Variants in KIF16B observed in about 807,000 individuals in gnomAD.
KIF16B encodes the protein kinesin family member 16B.
A neutral mutation model predicts 156.3 loss-of-function variants in KIF16B; 98 were observed. The observed-to-expected ratio is 0.63, with a 90% CI of 0.53 to 0.74. The LOEUF (loss-of-function observed/expected upper bound fraction) is 0.74. KIF16B is among the 30% of genes least tolerant of loss of function. KIF16B has a pLI of 0.00. For synonymous variants in KIF16B, 564 were observed against 583.7 expected (o/e 0.97, Z 0.49); for missense variants, 1,421 against 1,606.5 (o/e 0.88, Z 1.97).
At chr20:16,289,058 T>A (rs1568817882) in intron 25 of KIF16B, among the ~76,000 whole-genome samples, 2 of 152,094 alleles carry the variant, frequency 1.3e-5, no homozygotes, top group Non-Finnish European at 2.9e-5. Context: ...CTACCAAACA[T>A]CATGGCTTAG....
At chr20:16,559,773 C>T (rs1346497453) in intron 1 of KIF16B, among the ~76,000 whole-genome samples, 2 of 96,868 alleles carry the variant, frequency 2.1e-5, no homozygotes, top group African/African-American at 5.2e-5. Flanking sequence ...GCAAAAAAGA[C>T]CTTGTCTCAA....
intron 7 of KIF16B, among the ~76,000 whole-genome samples, chr20:16,507,581 G>A (rs924623060): frequency 3.3e-5 from 5 of 152,100 alleles, no homozygotes; most frequent in African/African-American, 1.2e-4. Context: ...GCCATGGAGC[G>A]GTAATGAACT....
Position 16,506,265 on chromosome 20 carries a change from AT to A in KIF16B, c.700-76del. On this transcript the variant is annotated intron_variant, in intron 7 of 25. Coordinates refer to ENST00000354981, the MANE Select transcript of KIF16B (RefSeq NM_024704.5). Reference sequence around the variant, plus strand: ...GTTGTTGATGATATGAATTCTAACTATTTTCTGCTCCTCACTGAGATCTCTC... The same window carrying A: ...GTTGTTGATGATATGAATTCTAACTATTTCTGCTCCTCACTGAGATCTCTC... The A allele has an allele frequency of 3.2e-6, 4 of 1,253,420 alleles. No individual in the cohort carries two copies. In the South Asian group the frequency reaches 4.8e-5, roughly 15 times the overall value. The allele number at this position is 1,253,420 out of a possible 1,614,324, so 77.6% of individuals were successfully genotyped here.
At chr20:16,491,800 C>T (rs1422901423) in intron 12 of KIF16B, among the ~76,000 whole-genome samples, 1 of 152,228 alleles carries the variant, frequency 6.6e-6, no homozygotes, top group Non-Finnish European at 1.5e-5. Flanking sequence ...CAGTCTTTCA[C>T]TTCCCCTCCA....
chr20:16,336,371 A>T (rs78054438), intron 23 of KIF16B, among the ~76,000 whole-genome samples: 1,720 of 152,308 alleles, frequency 0.011, 28 homozygotes, highest in African/African-American at 0.037. Context: ...TGTTAGTATA[A>T]TAACACAACA....
intron 1 of KIF16B, among the ~76,000 whole-genome samples, chr20:16,547,356 C>T (rs984366403): frequency 2.0e-5 from 3 of 152,218 alleles, no homozygotes; most frequent in Non-Finnish European, 2.9e-5. Flanking sequence ...CCCACAATCA[C>T]CCCACATGGG....
chr20:16,317,845 C>A (rs575433807), intron 24 of KIF16B, among the ~76,000 whole-genome samples: 18 of 152,294 alleles, frequency 1.2e-4, no homozygotes, highest in Admixed American at 5.2e-4. Context: ...GATCAGGATG[C>A]AATTCCACTC....
chr20:16,472,579 A>G (rs968727522), intron 12 of KIF16B, among the ~76,000 whole-genome samples: 3 of 150,518 alleles, frequency 2.0e-5, no homozygotes, highest in East Asian at 1.9e-4. Context: ...AAAAAAAAGT[A>G]AAAGGACCAA....
At chr20:16,436,423 C>A (rs562656317) in intron 12 of KIF16B, among the ~76,000 whole-genome samples, 26 of 152,256 alleles carry the variant, frequency 1.7e-4, no homozygotes, top group African/African-American at 5.8e-4. Flanking sequence ...GGGCAGGATG[C>A]CCTCGAGCTT....
intron 12 of KIF16B, among the ~76,000 whole-genome samples, chr20:16,433,219 A>C (rs145978285): frequency 6.6e-6 from 1 of 152,272 alleles, no homozygotes; most frequent in East Asian, 1.9e-4. Context: ...ACTGTGACCA[A>C]ACTGCACACA....
chr20:16,299,982 A>T (rs954015205), intron 25 of KIF16B, among the ~76,000 whole-genome samples: 1 of 152,204 alleles, frequency 6.6e-6, no homozygotes, highest in Non-Finnish European at 1.5e-5. Context: ...CCGGTGTGAA[A>T]AAGTCTTTGC....
At chr20:16,545,655 ACT>A (rs1336512006) in intron 1 of KIF16B, among the ~76,000 whole-genome samples, 1 of 152,104 alleles carries the variant, frequency 6.6e-6, no homozygotes, top group African/African-American at 2.4e-5. Flanking sequence ...ACAGAGTGAG[ACT>A]CTGTCTCAAA....
chr20:16,308,681 C>T (rs953669864), intron 25 of KIF16B, among the ~76,000 whole-genome samples: 1 of 152,224 alleles, frequency 6.6e-6, no homozygotes, highest in Admixed American at 6.5e-5. Flanking sequence ...ATTTTCCACT[C>T]ATGCTTGGCC....
chr20:16,346,986 C>G (rs1435788048), intron 23 of KIF16B, among the ~76,000 whole-genome samples: 1 of 152,198 alleles, frequency 6.6e-6, no homozygotes, highest in Non-Finnish European at 1.5e-5. Flanking sequence ...TTAACTCTGA[C>G]TTGGATCCTG....
intron 22 of KIF16B, chr20:16,367,348 A>G (rs760704667): frequency 1.2e-6 from 2 of 1,612,916 alleles, no homozygotes; most frequent in Non-Finnish European, 1.7e-6. Flanking sequence ...TAAGAAGACT[A>G]GTTCTACTGT....
intron 24 of KIF16B, among the ~76,000 whole-genome samples, chr20:16,323,999 C>T (rs1240426907): frequency 6.6e-6 from 1 of 151,902 alleles, no homozygotes; most frequent in Admixed American, 6.6e-5. Flanking sequence ...ACCCAGTGAA[C>T]GTAAACTTGA....
rs565566673 is a variant in KIF16B, at chr20:16,365,940, C to G, written c.3498+4646G>C. Among the ~76,000 whole-genome samples, 4 of 152,236 alleles carry G rather than the reference C, an allele frequency of 2.6e-5. No homozygotes were observed. The South Asian group carries it at 8.3e-4, about 32-fold the overall frequency. ...GGGTGGGCTGAGCAAGACAGAAGCACGTCTCCTTCCTTCTGAGAACTCTAG... is the reference window on the plus strand; with the variant it reads ...GGGTGGGCTGAGCAAGACAGAAGCAGGTCTCCTTCCTTCTGAGAACTCTAG... On this transcript the variant is annotated intron_variant, in intron 22 of 25. Coordinates refer to ENST00000354981, the MANE Select transcript of KIF16B (RefSeq NM_024704.5).
At chr20:16,337,783 T>C (rs1370587505) in intron 23 of KIF16B, among the ~76,000 whole-genome samples, 1 of 152,030 alleles carries the variant, frequency 6.6e-6, no homozygotes, top group Non-Finnish European at 1.5e-5. Flanking sequence ...AGCCCAACAA[T>C]CCACAGTCTT....
chr20:16,295,202 T>C lies in KIF16B; in HGVS notation c.3795+17133A>G, dbSNP rs189208545. ...TAAGCTCCCAGCTTGCCCAGGGTCA[T>C]AGTGCATATCCCCCGGGCCAGACCA... On this transcript the variant is annotated intron_variant, in intron 25 of 25. Transcript: ENST00000354981. 7.3e-4 allele frequency among the ~76,000 whole-genome samples: 111 copies of C among 152,282 alleles called. 1 individual carries two copies. The South Asian group carries it at 0.011, about 15-fold the overall frequency.
Sources: gnomAD v4.1 joint callset for allele counts (sites outside exome capture counted in the v4.1 genomes callset) on GRCh38, gnomAD v4.1.1 for gene constraint, MANE v1.5 for transcripts, NCBI Gene and HGNC (gene_info 2026-07-23, HGNC 2026-07-21) for gene names.